The following PWWP3B variants were observed in gnomAD, a reference collection of about 807,000 sequenced individuals.
The protein encoded by PWWP3B is PWWP domain-containing DNA repair factor 3B.
A neutral mutation model predicts 15.7 loss-of-function variants in PWWP3B; 5 were observed. That is an observed-to-expected ratio of 0.32 (90% CI 0.17 to 0.67). PWWP3B has a LOEUF of 0.67. PWWP3B is among the 30% of genes least tolerant of loss of function. The probability of loss-of-function intolerance (pLI) is 0.74; values close to 1 mark genes in which losing one functional copy is unlikely to be tolerated. For synonymous variants in PWWP3B, 203 were observed against 179.8 expected (o/e 1.13, Z -1.03); for missense variants, 519 against 493.1 (o/e 1.05, Z -0.50).
intron 2 of PWWP3B, among the ~76,000 whole-genome samples, chrX:106,199,897 T>TA (rs952604350): frequency 3.7e-4 from 41 of 110,461 alleles, no homozygotes; most frequent in African/African-American, 4.9e-4. Flanking sequence ...TATACGATTG[T>TA]AAAAAAAAAT....
At chrX:106,196,600 A>T (rs1308360006) in intron 2 of PWWP3B, among the ~76,000 whole-genome samples, 1 of 110,977 alleles carries the variant, frequency 9.0e-6, no homozygotes, top group Non-Finnish European at 1.9e-5. Flanking sequence ...TGATTGATTG[A>T]TTTGCAAATG....
chrX:106,172,375 T>C (rs151144656), intron 2 of PWWP3B, among the ~76,000 whole-genome samples: 1,784 of 111,847 alleles, frequency 0.016, 31 homozygotes, highest in African/African-American at 0.054. Flanking sequence ...CACTAACACA[T>C]TGTACAGCAG....
intron 2 of PWWP3B, among the ~76,000 whole-genome samples, chrX:106,185,309 T>C (rs1922443238): frequency 9.0e-6 from 1 of 111,354 alleles, no homozygotes; most frequent in South Asian, 3.8e-4. Flanking sequence ...GTTTCCCATC[T>C]GAAAGACAAA....
chrX:106,207,216 G>T lies in PWWP3B; in HGVS notation c.1784G>T (p.Cys595Phe), dbSNP rs1226292980. 8.3e-7 allele frequency: 1 copy of T among 1,209,552 alleles called. No homozygotes were observed. Among genetic ancestry groups the T allele is most frequent in the South Asian group, 1.8e-5 (1 of 56,362 alleles). Residue 595 changes from cysteine (C) to phenylalanine (F), a missense_variant, in exon 4 of 4, where the codon TGT (cysteine) becomes TTT (phenylalanine). Transcript: ENST00000357175. ...TTGAATGCAAATAGGTTCACACCCT[G>T]TATTGAAACATACTTTGAGGATGAA... Reference protein sequence around the residue: ...SFLNANRFTPCIETYFEDEDQ... With the variant: ...SFLNANRFTPFIETYFEDEDQ...
chrX:106,189,649 G>T (rs1229315425), intron 2 of PWWP3B, among the ~76,000 whole-genome samples: 1 of 88,310 alleles, frequency 1.1e-5, no homozygotes, highest in Admixed American at 1.6e-4. Flanking sequence ...ACGGAGTCTC[G>T]CTCTGTCGCC....
At chrX:106,179,364 G>T (rs1922067871) in intron 2 of PWWP3B, among the ~76,000 whole-genome samples, 1 of 111,753 alleles carries the variant, frequency 8.9e-6, no homozygotes, top group Non-Finnish European at 1.9e-5. Flanking sequence ...TTTAGCATGA[G>T]CCAAATAACA....
chrX:106,173,714 C>A (rs989943299), intron 2 of PWWP3B, among the ~76,000 whole-genome samples: 7 of 111,842 alleles, frequency 6.3e-5, no homozygotes, highest in African/African-American at 2.3e-4. Context: ...CTTTTCTAGA[C>A]AACTAAGTAG....
chrX:106,193,067 G>A (rs1923107629), intron 2 of PWWP3B, among the ~76,000 whole-genome samples: 1 of 111,397 alleles, frequency 9.0e-6, no homozygotes, highest in African/African-American at 3.3e-5. Context: ...TCCGCTTGGT[G>A]CAGAGCTGAG....
chrX:106,199,392 T>A (rs1319684353), intron 2 of PWWP3B, among the ~76,000 whole-genome samples: 2 of 111,649 alleles, frequency 1.8e-5, no homozygotes, highest in Non-Finnish European at 3.8e-5. Context: ...ACTATTTTGT[T>A]CTAGTACTAG....
Position 106,207,101 on chromosome X carries a change from G to A in PWWP3B, c.1669G>A (p.Val557Met). 8.3e-7 allele frequency: 1 copy of A among 1,206,844 alleles called. No homozygotes were observed. The highest frequency in any genetic ancestry group is 1.1e-6 in the Non-Finnish European group (1 of 892,784). ...AARDRANKNL[V>M]DFIVNAKGTE... ...TCGGGACCGAGCCAACAAGAACCTG[G>A]TGGACTTCATTGTGAATGCAAAGGG... The change falls in exon 4 of 4, where the codon GTG becomes ATG. Residue 557 changes from valine to methionine, a missense_variant. By Grantham distance (21) the Val-to-Met change is conservative (BLOSUM62 1). Transcript: ENST00000357175.
chrX:106,184,687 G>A (rs1922401506), intron 2 of PWWP3B, among the ~76,000 whole-genome samples: 1 of 112,242 alleles, frequency 8.9e-6, no homozygotes, highest in Non-Finnish European at 1.9e-5. Flanking sequence ...ATCTCTCCAA[G>A]TGAGATCAAA....
At chrX:106,178,603 AG>A (rs1922021453) in intron 2 of PWWP3B, among the ~76,000 whole-genome samples, 1 of 112,031 alleles carries the variant, frequency 8.9e-6, no homozygotes, top group Non-Finnish European at 1.9e-5. Context: ...ATCAGAAAAA[AG>A]ATTGAGGTAA....
At chrX:106,191,659 A>G (rs1308038426) in intron 2 of PWWP3B, among the ~76,000 whole-genome samples, 1 of 111,276 alleles carries the variant, frequency 9.0e-6, no homozygotes, top group Non-Finnish European at 1.9e-5. Context: ...CCCATTCAGT[A>G]TGATATTGGC....
rs767083312 is a variant in PWWP3B, at chrX:106,188,250, C to A, written c.-400-15735C>A. Among the ~76,000 whole-genome samples the A allele has an allele frequency of 2.7e-5, 3 of 111,529 alleles. No homozygotes were observed. The East Asian group carries it at 8.4e-4, about 31-fold the overall frequency. ...AAAGTCACGTGTTGTAGGTGCCCCC[C>A]CCATGTTTTAAAGCAATTCAGAAGT... On this transcript the variant is annotated intron_variant, in intron 2 of 3. Coordinates refer to ENST00000357175, the MANE Select transcript of PWWP3B (RefSeq NM_001171020.2).
At chrX:106,178,047 A>G (rs371255993) in intron 2 of PWWP3B, among the ~76,000 whole-genome samples, 23 of 112,292 alleles carry the variant, frequency 2.0e-4, no homozygotes, top group East Asian at 1.7e-3. Context: ...ATAAACACAC[A>G]TAGACACCAC....
chrX:106,201,338 A>C (rs1245813318), intron 2 of PWWP3B, among the ~76,000 whole-genome samples: 1 of 112,387 alleles, frequency 8.9e-6, no homozygotes, highest in Non-Finnish European at 1.9e-5. Flanking sequence ...AATCCAAATC[A>C]ATATCCTTAG....
chrX:106,193,065 G>A (rs1923107405), intron 2 of PWWP3B, among the ~76,000 whole-genome samples: 2 of 111,345 alleles, frequency 1.8e-5, no homozygotes, highest in African/African-American at 6.5e-5. Context: ...GGTCCGCTTG[G>A]TGCAGAGCTG....
At position 106,206,694 on chromosome X, in the gene PWWP3B, G is replaced by A; in HGVS notation, c.1262G>A (p.Ser421Asn). 8.3e-7 allele frequency: 1 copy of A among 1,210,207 alleles called. No individual in the cohort carries two copies. Among genetic ancestry groups the A allele is most frequent in the East Asian group, 3.0e-5 (1 of 33,823 alleles). Residue 421 changes from serine to asparagine, a missense_variant, in exon 4 of 4, where the codon AGT (serine) becomes AAT (asparagine). By Grantham distance (46) the Ser-to-Asn change is conservative. Transcript: ENST00000357175. ...KSIRRKERKA[S>N]VLFVEANMNS... ...ATCAGACGAAAAGAGAGGAAAGCAA[G>A]TGTGCTTTTTGTTGAGGCAAACATG...
rs761186645 is a variant in PWWP3B, at chrX:106,206,605, A to C, written c.1173A>C (p.Glu391Asp). The C allele has an allele frequency of 2.1e-5, 25 of 1,208,857 alleles. No individual in the cohort carries two copies. Among genetic ancestry groups the C allele is most frequent in the Middle Eastern group, 2.3e-4 (1 of 4,372 alleles). The change falls in exon 4 of 4, where the codon GAA (glutamate) becomes GAC (aspartate). Residue 391 changes from glutamate (E) to aspartate (D), a missense_variant. Glu to Asp is a conservative substitution (Grantham distance 45). Transcript: ENST00000357175. ...FILHYETHPFETGMIVWFKYQ... is the reference protein window; with the variant it reads ...FILHYETHPFDTGMIVWFKYQ... The stretch of plus-strand genomic sequence containing the variant: ...TACATTATGAGACACATCCGTTTGA[A>C]ACAGGAATGATAGTCTGGTTTAAAT...
Sources: gnomAD v4.1 joint callset for allele counts (sites outside exome capture counted in the v4.1 genomes callset) on GRCh38, gnomAD v4.1.1 for gene constraint, MANE v1.5 for transcripts, NCBI Gene and HGNC (gene_info 2026-07-23, HGNC 2026-07-21) for gene names.